The following DRC1 variants were observed in gnomAD, a reference collection of about 807,000 sequenced individuals.
DRC1 encodes the protein dynein regulatory complex protein 1.
Under a neutral mutation model 98.7 loss-of-function variants are expected in DRC1, and 74 were observed. The observed-to-expected ratio is 0.75, with a 90% CI of 0.62 to 0.91. The LOEUF (loss-of-function observed/expected upper bound fraction) is 0.91, where lower values mean the gene tolerates loss of function less well. Ranked by LOEUF, DRC1 falls within the 40% of genes least tolerant of loss-of-function variation. The pLI is 0.00. For missense variants in DRC1, 875 were observed against 886.0 expected (o/e 0.99, Z 0.16); for synonymous variants, 336 against 334.1 (o/e 1.01, Z -0.06).
In DRC1 at chr2:26,429,761, T is replaced by C. The variant is rs756459461; in HGVS notation, c.674T>C (p.Ile225Thr). ...ACCTTTCGTGAGGAGCTCTATAACATTGAGGTAACAGGGTGTGAAAAGACC... is the reference window on the plus strand; with the variant it reads ...ACCTTTCGTGAGGAGCTCTATAACACTGAGGTAACAGGGTGTGAAAAGACC... ...MKTFREELYNIEKAFEVERQE... is the reference protein window; with the variant it reads ...MKTFREELYNTEKAFEVERQE... The change falls in exon 5 of 17, where the codon ATT becomes ACT. Residue 225 changes from isoleucine (I) to threonine (T), a missense_variant. By Grantham distance (89) the Ile-to-Thr change is moderately conservative. Coordinates refer to ENST00000288710, the MANE Select transcript of DRC1 (RefSeq NM_145038.5). 7 of 1,613,886 alleles carry C rather than the reference T, an allele frequency of 4.3e-6. No homozygotes were observed. The African/African-American group carries it at 5.3e-5, about 12-fold the overall frequency.
At chr2:26,434,568 C>T (rs1663521265) in intron 7 of DRC1, among the ~76,000 whole-genome samples, 1 of 152,194 alleles carries the variant, frequency 6.6e-6, no homozygotes, top group Admixed American at 6.5e-5. Context: ...AGTACAGCTC[C>T]TGCCCTCAAG....
chr2:26,406,923 TC>T (rs947090441), intron 1 of DRC1, among the ~76,000 whole-genome samples: 28 of 147,224 alleles, frequency 1.9e-4, no homozygotes, highest in African/African-American at 6.6e-4. Context: ...ACTCAAGTGA[TC>T]CCCCCCACCC....
intron 7 of DRC1, among the ~76,000 whole-genome samples, chr2:26,433,376 C>T (rs1044474391): frequency 6.6e-6 from 1 of 152,170 alleles, no homozygotes; most frequent in Non-Finnish European, 1.5e-5. Flanking sequence ...AAATTAAAAA[C>T]CCCATTGGGT....
chr2:26,455,279 G>T (rs927670542), intron 16 of DRC1, 46 bp downstream of exon 16: 2 of 1,573,322 alleles, frequency 1.3e-6, no homozygotes, highest in African/African-American at 2.7e-5. Flanking sequence ...AGACACGGGT[G>T]GGGCAGGGGC....
At chr2:26,436,880 C>T (rs975482728) in intron 7 of DRC1, among the ~76,000 whole-genome samples, 4 of 152,116 alleles carry the variant, frequency 2.6e-5, no homozygotes, top group African/African-American at 4.8e-5. Context: ...GGTCAGTTCC[C>T]GGGAAGACAG....
chr2:26,418,813 G>A (rs1678942837), intron 2 of DRC1, among the ~76,000 whole-genome samples: 3 of 124,624 alleles, frequency 2.4e-5, no homozygotes, highest in Middle Eastern at 4.5e-3. Context: ...ATAATATATT[G>A]TATAGTATAT....
intron 11 of DRC1, among the ~76,000 whole-genome samples, chr2:26,449,148 T>C (rs1050505572): frequency 6.6e-6 from 1 of 152,258 alleles, no homozygotes; most frequent in African/African-American, 2.4e-5. Context: ...CTAAGTGATG[T>C]GGCCACACTG....
At chr2:26,420,198 A>AC (rs1401637710) in intron 2 of DRC1, among the ~76,000 whole-genome samples, 1 of 152,156 alleles carries the variant, frequency 6.6e-6, no homozygotes, top group African/African-American at 2.4e-5. Context: ...CCTTAAAGTC[A>AC]CAATTCAGAA....
At position 26,448,443 on chromosome 2, in the gene DRC1, A is replaced by C. The variant is rs749610402; in HGVS notation, c.1397-248A>C. The C allele has an allele frequency of 6.2e-6, 4 of 646,304 alleles. No homozygotes were observed. In the Admixed American group the frequency reaches 8.4e-5, roughly 14 times the overall value. The allele number at this position is 646,304 out of a possible 1,614,324, so 40.0% of individuals were successfully genotyped here. ...TTTCCAGGTAGACGCAATTTGGAAA[A>C]GTAGGGCATTACAGGCTGGCTGGGA... On this transcript the variant is annotated intron_variant, in intron 10 of 16. Transcript: ENST00000288710.
At chr2:26,432,115 TCAG>T (rs1572370238) in intron 7 of DRC1, 109 bp downstream of exon 7, 1 of 1,427,834 alleles carries the variant, frequency 7.0e-7, no homozygotes, top group Non-Finnish European at 9.3e-7. Flanking sequence ...GGTAGTCCCT[TCAG>T]CACGTATTTA....
At chr2:26,450,187 C>G in intron 12 of DRC1, 102 bp downstream of exon 12, 1 of 1,101,834 alleles carries the variant, frequency 9.1e-7, no homozygotes, top group Non-Finnish European at 1.3e-6. Flanking sequence ...CGAGGGTCTC[C>G]CGGGGCTTCC....
At chr2:26,437,620 C>T (rs774544676) in intron 7 of DRC1, among the ~76,000 whole-genome samples, 1 of 152,030 alleles carries the variant, frequency 6.6e-6, no homozygotes, top group Non-Finnish European at 1.5e-5. Context: ...TACGAATCTA[C>T]CATAAGGAAA....
At chr2:26,448,914 G>A (rs1418247295) in intron 11 of DRC1, 111 bp downstream of exon 11, 80 of 1,113,566 alleles carry the variant, frequency 7.2e-5, no homozygotes, top group Non-Finnish European at 1.0e-4. Flanking sequence ...TCCTCCCCTG[G>A]CCAAGCCCAG....
In DRC1 at chr2:26,448,542, C is replaced by A; in HGVS notation, c.1397-149C>A. The A allele has an allele frequency of 3.5e-6, 3 of 848,262 alleles. No homozygotes were observed. In the East Asian group the frequency reaches 8.0e-5, roughly 23 times the overall value. The allele number at this position is 848,262 out of a possible 1,614,324, so 52.5% of individuals were successfully genotyped here. Reference sequence around the variant, plus strand: ...TTCCCGCCACGTAATAGGCTTTTTTCATCATAAAGAGACTGAGAGAATGCC... The same window carrying A: ...TTCCCGCCACGTAATAGGCTTTTTTAATCATAAAGAGACTGAGAGAATGCC... On this transcript the variant is annotated intron_variant, in intron 10 of 16. Transcript: ENST00000288710.
intron 1 of DRC1, among the ~76,000 whole-genome samples, chr2:26,410,582 A>AT (rs940583632): frequency 1.4e-4 from 21 of 151,628 alleles, no homozygotes; most frequent in Admixed American, 5.3e-4. Flanking sequence ...AGAGAAAAAT[A>AT]TTTTTTTTTA....
intron 1 of DRC1, among the ~76,000 whole-genome samples, chr2:26,402,687 GT>G (rs1215583876): frequency 3.9e-5 from 6 of 152,196 alleles, no homozygotes; most frequent in Admixed American, 2.0e-4. Flanking sequence ...CAGTAGATTT[GT>G]TTTTTACTTG....
At chr2:26,439,950 C>CACACAT (rs1553342478) in intron 7 of DRC1, among the ~76,000 whole-genome samples, 41 of 25,818 alleles carry the variant, frequency 1.6e-3, no homozygotes, top group African/African-American at 4.1e-3. Context: ...CACACACATA[C>CACACAT]ACACACACAC....
At chr2:26,430,288 G>A (rs531181543) in intron 5 of DRC1, among the ~76,000 whole-genome samples, 10 of 152,260 alleles carry the variant, frequency 6.6e-5, no homozygotes, top group African/African-American at 2.4e-4. Context: ...GATTGAGATT[G>A]AGATTTAGCC....
intron 2 of DRC1, among the ~76,000 whole-genome samples, chr2:26,420,440 C>T (rs1011070976): frequency 6.6e-6 from 1 of 152,090 alleles, no homozygotes; most frequent in Non-Finnish European, 1.5e-5. Context: ...CCTCACCTCC[C>T]CAACTGAGGT....
Sources: gnomAD v4.1 joint callset for allele counts (sites outside exome capture counted in the v4.1 genomes callset) on GRCh38, gnomAD v4.1.1 for gene constraint, MANE v1.5 for transcripts, NCBI Gene and HGNC (gene_info 2026-07-23, HGNC 2026-07-21) for gene names.